Variants in TRIM14 observed in about 807,000 individuals in gnomAD.
TRIM14 encodes the protein tripartite motif-containing protein 14.
In TRIM14, 28 loss-of-function variants were observed where a neutral mutation model predicts 44.5. The ratio of observed to expected loss-of-function variants is 0.63; its 90% CI spans 0.47 to 0.86. The LOEUF is 0.86. TRIM14 is among the 40% of genes least tolerant of loss of function. TRIM14 has a pLI of 0.00. For synonymous variants in TRIM14, 299 were observed against 269.2 expected (o/e 1.11, Z -1.08); for missense variants, 607 against 611.1 (o/e 0.99, Z 0.07).
downstream of TRIM14, among the ~76,000 whole-genome samples, chr9:98,067,615 T>C (rs1195361670): frequency 1.3e-5 from 2 of 152,256 alleles, no homozygotes; most frequent in Non-Finnish European, 2.9e-5. Context: ...AATTATTTTT[T>C]CATGTATAGC....
At chr9:98,060,727 CCTT>C in the TRIM14 span, 1 of 1,541,862 alleles carries the variant, frequency 6.5e-7, no homozygotes, top group Non-Finnish European at 8.9e-7. Context: ...AGAATTTTTT[CCTT>C]TTTTTGAGAA....
At chr9:98,072,286 C>A (rs1226547202) in intron 6 of TRIM14, among the ~76,000 whole-genome samples, 3 of 152,236 alleles carry the variant, frequency 2.0e-5, no homozygotes, top group Non-Finnish European at 4.4e-5. Flanking sequence ...TGTTCTGTGA[C>A]TCAGAACCCT....
rs1829504299 is a variant in TRIM14 at position 98,074,737 on chromosome 9, A to G, written c.*29-5050T>C. Reference sequence around the variant, plus strand: ...GCACTTGTCCCCCCTCCTTGCCCCGATCGCTCTGCCCCTCTCTTGGGGGGG... The same window carrying G: ...GCACTTGTCCCCCCTCCTTGCCCCGGTCGCTCTGCCCCTCTCTTGGGGGGG... On this transcript the variant is annotated intron_variant, in intron 6 of 6. Transcript: ENST00000375098. 2 of 151,900 alleles carry G rather than the reference A, an allele frequency of 1.3e-5. 1 individual carries two copies. Among genetic ancestry groups the G allele is most frequent in the South Asian group, 4.2e-4 (2 of 4,802 alleles). 9.4% of individuals were successfully genotyped at this position (151,900 alleles called of 1,614,324 possible). A position where few individuals can be genotyped will look rare whatever the true frequency, so the allele number is the denominator to read the frequency against.
chr9:98,074,121 A>G (rs1211580899), intron 6 of TRIM14, among the ~76,000 whole-genome samples: 1 of 152,160 alleles, frequency 6.6e-6, no homozygotes, highest in African/African-American at 2.4e-5. Flanking sequence ...TAAGTTTGGG[A>G]AACACTGGGT....
chr9:98,110,338 A>T, intron 1 of TRIM14: 1 of 275,980 alleles, frequency 3.6e-6, no homozygotes, highest in Non-Finnish European at 7.1e-6. Flanking sequence ...TGGAGTATTA[A>T]CTGAGCACCT....
intron 1 of TRIM14, among the ~76,000 whole-genome samples, chr9:98,110,921 C>T (rs923959581): frequency 7.0e-6 from 1 of 142,040 alleles, no homozygotes; most frequent in African/African-American, 3.1e-5. Context: ...GTGGCATGCA[C>T]CTGTAGTCCT....
chr9:98,036,270 G>T, the TRIM14 span, among the ~76,000 whole-genome samples: 2 of 148,574 alleles, frequency 1.3e-5, no homozygotes, highest in African/African-American at 2.5e-5. Flanking sequence ...GGAGGCCGAG[G>T]CAGGCAGATC....
the TRIM14 span, among the ~76,000 whole-genome samples, chr9:98,041,015 C>A: frequency 6.6e-6 from 1 of 152,058 alleles, no homozygotes; most frequent in Non-Finnish European, 1.5e-5. Flanking sequence ...TCTCAAATTC[C>A]TGGCCTCAAG....
At chr9:98,076,706 C>CCTGGCCAACACAG in intron 6 of TRIM14, 1 of 531,808 alleles carries the variant, frequency 1.9e-6, no homozygotes, top group South Asian at 2.4e-5. Context: ...CAGCACCAAA[C>CCTGGCCAACACAG]GTTTGTTGGG....
chr9:98,107,222 G>A lies in TRIM14; in HGVS notation c.303+2667C>T, dbSNP rs368183843. ...AATGGCACAACCACTCTGGAAAAGC[G>A]TTTGGCAGTTTCTTAAAAAACAAAA... On this transcript the variant is annotated intron_variant, in intron 2 of 5. Coordinates refer to ENST00000341469, the MANE Select transcript of TRIM14 (RefSeq NM_014788.4). Among the ~76,000 whole-genome samples the A allele has an allele frequency of 2.1e-3, 324 of 152,270 alleles. 1 individual carries two copies. Among genetic ancestry groups the A allele is most frequent in the African/African-American group, 7.2e-3 (300 of 41,560 alleles).
In TRIM14 at chr9:98,087,404, CTAGG is replaced by C; in HGVS notation, c.*62_*65del. On this transcript the variant is annotated 3_prime_UTR_variant, in exon 6 of 6. Transcript: ENST00000341469. Reference sequence around the variant, plus strand: ...CAGTAAGGGGACCAGCCACGCTGATCTAGGTAGATTAGGCGAGACTGGGCAGCTG... The same window carrying C: ...CAGTAAGGGGACCAGCCACGCTGATCTAGATTAGGCGAGACTGGGCAGCTG... 1 of 1,609,180 alleles carries C rather than the reference CTAGG, an allele frequency of 6.2e-7. No individual in the cohort carries two copies. The highest frequency in any genetic ancestry group is 8.5e-7 in the Non-Finnish European group (1 of 1,176,194).
At chr9:98,038,230 T>C in the TRIM14 span, among the ~76,000 whole-genome samples, 6 of 152,188 alleles carry the variant, frequency 3.9e-5, no homozygotes, top group African/African-American at 1.2e-4. Context: ...TTTTGTATTT[T>C]TAGTAGAGAT....
intron 3 of TRIM14, among the ~76,000 whole-genome samples, chr9:98,097,640 T>C (rs1826234530): frequency 6.6e-6 from 1 of 152,178 alleles, no homozygotes; most frequent in African/African-American, 2.4e-5. Flanking sequence ...GAGCTCCTAA[T>C]GTCCAGCAAG....
At chr9:98,054,375 TGAG>T in the TRIM14 span, among the ~76,000 whole-genome samples, 132 of 152,264 alleles carry the variant, frequency 8.7e-4, no homozygotes, top group South Asian at 0.024. Context: ...TCTTACTGAT[TGAG>T]GAGAAGTCTC....
the TRIM14 span, among the ~76,000 whole-genome samples, chr9:98,045,153 G>T: frequency 2.0e-5 from 3 of 151,994 alleles, no homozygotes; most frequent in Non-Finnish European, 4.4e-5. Flanking sequence ...ACTAGAAGTA[G>T]GATCCTTAAA....
the TRIM14 span, among the ~76,000 whole-genome samples, chr9:98,048,275 T>A: frequency 6.6e-6 from 1 of 152,124 alleles, no homozygotes; most frequent in Admixed American, 6.5e-5. Flanking sequence ...ACCCTTAATA[T>A]TGGGGGAATC....
chr9:98,087,368 T>G lies in TRIM14; in HGVS notation c.*102A>C. 6.4e-7 allele frequency: 1 copy of G among 1,556,482 alleles called. No homozygotes were observed. The highest frequency in any genetic ancestry group is 8.9e-7 in the Non-Finnish European group (1 of 1,128,356). On this transcript the variant is annotated 3_prime_UTR_variant, in exon 6 of 6. Coordinates refer to ENST00000341469, the MANE Select transcript of TRIM14 (RefSeq NM_014788.4). ...GAAAGCTGGGGCAGGGAGAGGGCCC[T>G]AAGAAGCAGGCAGTAAGGGGACCAG... is the stretch of plus-strand genomic sequence containing the variant.
the TRIM14 span, among the ~76,000 whole-genome samples, chr9:98,064,165 A>G: frequency 6.6e-6 from 1 of 152,182 alleles, no homozygotes; most frequent in Non-Finnish European, 1.5e-5. Context: ...TTCAGGCTAC[A>G]CTTCTGTAGA....
rs1826991677 is a variant in TRIM14, at chr9:98,114,900, T to C, written c.207+4082A>G. On this transcript the variant is annotated intron_variant, in intron 1 of 5. Coordinates refer to ENST00000341469, the MANE Select transcript of TRIM14 (RefSeq NM_014788.4). ...TGATAGAGGATAAAAGTGATTTTTA[T>C]GATTTTTAAAATTTGAAACATTGCT... Among the ~76,000 whole-genome samples, 4 of 152,296 alleles carry C rather than the reference T, an allele frequency of 2.6e-5. No homozygotes were observed. In the South Asian group the frequency reaches 8.3e-4, roughly 32 times the overall value.
Sources: gnomAD v4.1 joint callset for allele counts (sites outside exome capture counted in the v4.1 genomes callset) on GRCh38, gnomAD v4.1.1 for gene constraint, MANE v1.5 for transcripts, NCBI Gene and HGNC (gene_info 2026-07-23, HGNC 2026-07-21) for gene names.